The following MTOR variants were observed in gnomAD, a reference collection of about 807,000 sequenced individuals.
MTOR encodes mechanistic target of rapamycin kinase, also known as serine/threonine-protein kinase mTOR.
MTOR carries 70 observed loss-of-function variants against 319.8 expected under a neutral mutation model. The observed-to-expected ratio is 0.22, with a 90% CI of 0.18 to 0.27. MTOR has a LOEUF of 0.27. Among genes scored for constraint, MTOR ranks in the 10% least tolerant of loss-of-function variants. The probability of loss-of-function intolerance (pLI) is 1.00; values close to 1 mark genes in which losing one functional copy is unlikely to be tolerated. For missense variants in MTOR, 1,890 were observed against 3,274.4 expected, an observed-to-expected ratio of 0.58 and a Z score of 10.32; for synonymous variants, 1,183 against 1,211.4, an observed-to-expected ratio of 0.98 and a Z score of 0.49.
At chr1:11,140,627 C>A (rs1213407450) in intron 34 of MTOR, among the ~76,000 whole-genome samples, 1 of 152,122 alleles carries the variant, frequency 6.6e-6, no homozygotes, top group African/African-American at 2.4e-5. Flanking sequence ...CACTTGCTAC[C>A]CTATGTGACT....
At chr1:11,134,807 T>C (rs1286476216) in intron 36 of MTOR, among the ~76,000 whole-genome samples, 1 of 152,242 alleles carries the variant, frequency 6.6e-6, no homozygotes, top group Non-Finnish European at 1.5e-5. Flanking sequence ...ATCAATATGT[T>C]ACCCTGGGGG....
chr1:11,174,743 G>C (rs183903275), intron 28 of MTOR, among the ~76,000 whole-genome samples: 1 of 152,306 alleles, frequency 6.6e-6, no homozygotes, highest in East Asian at 1.9e-4. Context: ...AGGAACTCTT[G>C]TTTTACGGGG....
chr1:11,235,730 T>A (rs918199971), intron 13 of MTOR, among the ~76,000 whole-genome samples: 1 of 152,162 alleles, frequency 6.6e-6, no homozygotes, highest in Non-Finnish European at 1.5e-5. Context: ...ACACCTGTAA[T>A]CCCAGCACTT....
rs1643115622 is a variant in MTOR at position 11,130,884 on chromosome 1, G to A, written c.5365-107C>T. 1.2e-5 allele frequency: 17 copies of A among 1,400,134 alleles called. No homozygotes were observed. In the South Asian group the frequency reaches 2.4e-4, roughly 20 times the overall value. The allele number at this position is 1,400,134 out of a possible 1,614,324, so 86.7% of individuals were successfully genotyped here. The stretch of plus-strand genomic sequence containing the variant: ...GAACAGCTGCTCCTGCCTGTTCTGT[G>A]TGTCCATAAAGCAAACACTTCAAGG... On this transcript the variant is annotated intron_variant, in intron 38 of 57. Transcript: ENST00000361445.
rs1643257709 is a variant in MTOR at position 11,133,452 on chromosome 1, G to T, written c.5247-255C>A. 6.6e-6 allele frequency among the ~76,000 whole-genome samples: 1 copy of T among 152,340 alleles called. No homozygotes were observed. Among genetic ancestry groups the T allele is most frequent in the Admixed American group, 6.5e-5 (1 of 15,306 alleles). Reference sequence around the variant, plus strand: ...CAGCATAAACCATGTACCTGGTACAGATAGGTCTGTATGGACTTACCTACC... The same window carrying T: ...CAGCATAAACCATGTACCTGGTACATATAGGTCTGTATGGACTTACCTACC... On this transcript the variant is annotated intron_variant, in intron 37 of 57. Coordinates refer to ENST00000361445, the MANE Select transcript of MTOR (RefSeq NM_004958.4). The surrounding 1 kb of genome is among the most constrained non-coding windows in gnomAD (Gnocchi z 4.0).
intron 29 of MTOR, among the ~76,000 whole-genome samples, chr1:11,164,917 C>T (rs1644595133): frequency 6.6e-6 from 1 of 152,214 alleles, no homozygotes; most frequent in Non-Finnish European, 1.5e-5. Flanking sequence ...AAGTGGGCTT[C>T]ATCCCTGGGA....
intron 19 of MTOR, among the ~76,000 whole-genome samples, chr1:11,218,029 C>T (rs1456112618): frequency 6.6e-6 from 1 of 152,146 alleles, no homozygotes; most frequent in African/African-American, 2.4e-5. Context: ...ACATTTGACT[C>T]AGTAGGCTCA....
chr1:11,222,627 C>G (rs973617253), intron 19 of MTOR, among the ~76,000 whole-genome samples: 3 of 152,168 alleles, frequency 2.0e-5, no homozygotes, highest in East Asian at 1.9e-4. Flanking sequence ...CCACCATGCC[C>G]AGCCAAGTTC....
chr1:11,195,340 A>C, intron 28 of MTOR: 1 of 253,842 alleles, frequency 3.9e-6, no homozygotes, highest in East Asian at 8.0e-5. Flanking sequence ...TGTGAAAGAA[A>C]ATAATTTTGA....
intron 16 of MTOR, among the ~76,000 whole-genome samples, chr1:11,231,671 C>A (rs1318674282): frequency 6.6e-6 from 1 of 152,190 alleles, no homozygotes; most frequent in East Asian, 1.9e-4. Flanking sequence ...CCACCTTTCT[C>A]AAAGAAAACA....
Position 11,130,592 on chromosome 1 carries a change from C to G in MTOR, c.5550G>C (p.Glu1850Asp). 6.2e-7 allele frequency: 1 copy of G among 1,613,906 alleles called. No homozygotes were observed. The highest frequency in any genetic ancestry group is 8.5e-7 in the Non-Finnish European group (1 of 1,180,004). ...TTASTEGSNS[E>D]SEAESTENSP... ...TGTTCTCGGTGCTCTCGGCCTCGCT[C>G]TCACTGTTGCTGCCCTCGGTGCTGG... Residue 1850 changes from glutamate to aspartate, a missense_variant, in exon 39 of 58, where the codon GAG becomes GAC. Coordinates refer to ENST00000361445, the MANE Select transcript of MTOR (RefSeq NM_004958.4).
intron 34 of MTOR, among the ~76,000 whole-genome samples, chr1:11,141,231 T>C (rs1643686498): frequency 6.6e-6 from 1 of 152,136 alleles, no homozygotes; most frequent in Admixed American, 6.5e-5. Context: ...TCCTCCCGCC[T>C]CAACCTCCTG....
chr1:11,124,253 T>G (rs975551699), intron 47 of MTOR, among the ~76,000 whole-genome samples: 4 of 152,172 alleles, frequency 2.6e-5, no homozygotes, highest in Non-Finnish European at 5.9e-5. Context: ...GAGACAGTCT[T>G]GCTCTATTAC....
At chr1:11,233,001 GC>G in intron 15 of MTOR, 1 of 933,168 alleles carries the variant, frequency 1.1e-6, no homozygotes, top group Non-Finnish European at 1.7e-6. Context: ...GCAATTCCTG[GC>G]CAAGAAACAA....
chr1:11,205,350 T>C (rs1351596361), intron 25 of MTOR, among the ~76,000 whole-genome samples: 1 of 152,212 alleles, frequency 6.6e-6, no homozygotes, highest in Non-Finnish European at 1.5e-5. Flanking sequence ...TACACTTGAC[T>C]CAATGGCTTC....
At chr1:11,179,653 A>C (rs1009700901) in intron 28 of MTOR, among the ~76,000 whole-genome samples, 1 of 152,230 alleles carries the variant, frequency 6.6e-6, no homozygotes, top group Non-Finnish European at 1.5e-5. Flanking sequence ...AAGCTGTTAC[A>C]GTGACCCTGG....
At position 11,229,551 on chromosome 1, in the gene MTOR, T is replaced by C. The variant is rs185482642; in HGVS notation, c.2780-633A>G. Among the ~76,000 whole-genome samples the C allele has an allele frequency of 2.9e-4, 44 of 152,256 alleles. No individual in the cohort carries two copies. In the East Asian group the frequency reaches 7.9e-3, roughly 27 times the overall value. On this transcript the variant is annotated intron_variant, in intron 18 of 57. Coordinates refer to ENST00000361445, the MANE Select transcript of MTOR (RefSeq NM_004958.4). ...GCTCAGGCCCTGCTCTCAACAGCTA[T>C]GGGGCTGACAGAATGACATCACAGG...
intron 16 of MTOR, 144 bp downstream of exon 16, chr1:11,232,292 T>C: frequency 1.8e-6 from 1 of 553,362 alleles, no homozygotes; most frequent in South Asian, 3.3e-5. Context: ...TAACTTTTAC[T>C]CATTCAACAA....
intron 14 of MTOR, among the ~76,000 whole-genome samples, 186 bp downstream of exon 14, chr1:11,233,957 C>A (rs962705533): frequency 6.6e-6 from 1 of 152,152 alleles, no homozygotes; most frequent in African/African-American, 2.4e-5. Flanking sequence ...CACTTTCCTG[C>A]AACTGATAAG....
Sources: gnomAD v4.1 joint callset for allele counts (sites outside exome capture counted in the v4.1 genomes callset) on GRCh38, gnomAD v4.1.1 for gene constraint, Gnocchi (gnomAD v3.1) non-coding constraint, MANE v1.5 for transcripts, NCBI Gene and HGNC (gene_info 2026-07-23, HGNC 2026-07-21) for gene names.